PDE4D: variants seen among roughly 807,000 people sequenced by gnomAD.
The protein encoded by PDE4D is phosphodiesterase 4D, also known as 3',5'-cyclic-AMP phosphodiesterase 4D.
Under a neutral mutation model 87.4 loss-of-function variants are expected in PDE4D, and 24 were observed. That is an observed-to-expected ratio of 0.27 (90% CI 0.20 to 0.39). The LOEUF is 0.39. Among genes scored for constraint, PDE4D ranks in the 10% least tolerant of loss-of-function variants. The probability of loss-of-function intolerance (pLI) is 1.00; values close to 1 mark genes in which losing one functional copy is unlikely to be tolerated. For missense variants in PDE4D, 714 were observed against 1,041.0 expected, an observed-to-expected ratio of 0.69 and a Z score of 4.32; for synonymous variants, 384 against 383.2, an observed-to-expected ratio of 1.00 and a Z score of -0.02.
intron 1 of PDE4D, among the ~76,000 whole-genome samples, chr5:59,841,972 G>C (rs1350630772): frequency 6.6e-6 from 1 of 152,024 alleles, no homozygotes; most frequent in Non-Finnish European, 1.5e-5. Flanking sequence ...GTAGGAGCCA[G>C]GTAAGAAAAG....
At chr5:60,430,221 C>T in intron 1 of PDE4D, 1 of 520,166 alleles carries the variant, frequency 1.9e-6, no homozygotes, top group Admixed American at 1.9e-5. Context: ...GGGTCACCAT[C>T]TCGTTGATGG....
intron 3 of PDE4D, among the ~76,000 whole-genome samples, chr5:59,899,469 A>G (rs1752003234): frequency 6.6e-6 from 1 of 150,748 alleles, no homozygotes; most frequent in African/African-American, 2.4e-5. Flanking sequence ...ATACATATGC[A>G]TGCTTAAGTG....
intron 1 of PDE4D, among the ~76,000 whole-genome samples, chr5:59,240,542 C>T (rs970756442): frequency 5.9e-5 from 9 of 152,122 alleles, no homozygotes; most frequent in Admixed American, 3.3e-4. Context: ...AAGCTCAGCT[C>T]AAGACCTGCA....
chr5:59,196,619 C>A (rs1745508256), intron 2 of PDE4D, among the ~76,000 whole-genome samples: 1 of 152,166 alleles, frequency 6.6e-6, no homozygotes, highest in South Asian at 2.1e-4. Flanking sequence ...GAGCTAAACA[C>A]TTCAGCATTT....
At chr5:59,938,535 A>AT (rs1756854270) in intron 3 of PDE4D, among the ~76,000 whole-genome samples, 1 of 152,176 alleles carries the variant, frequency 6.6e-6, no homozygotes, top group East Asian at 1.9e-4. Context: ...ATATTTCTAC[A>AT]TTATAGGCCA....
chr5:59,225,775 G>C (rs1753642341), intron 1 of PDE4D, among the ~76,000 whole-genome samples: 1 of 130,014 alleles, frequency 7.7e-6, no homozygotes, highest in African/African-American at 3.4e-5. Flanking sequence ...ACAATACATA[G>C]GAGCTCCTAC....
At chr5:60,321,604 C>G (rs568933220) in intron 1 of PDE4D, among the ~76,000 whole-genome samples, 1 of 152,236 alleles carries the variant, frequency 6.6e-6, no homozygotes, top group African/African-American at 2.4e-5. Flanking sequence ...ATATACTAAA[C>G]AGACAACCTG....
At chr5:60,299,156 A>G (rs1322461550) in intron 1 of PDE4D, among the ~76,000 whole-genome samples, 1 of 152,236 alleles carries the variant, frequency 6.6e-6, no homozygotes. Context: ...TTTAGGTTCA[A>G]AATAGCTTCT....
intron 1 of PDE4D, among the ~76,000 whole-genome samples, chr5:60,190,544 A>C (rs1185883000): frequency 1.3e-5 from 2 of 152,224 alleles, no homozygotes; most frequent in East Asian, 3.8e-4. Flanking sequence ...TAGAGGCTAT[A>C]GAATCTGAGA....
intron 5 of PDE4D, among the ~76,000 whole-genome samples, chr5:59,075,910 G>C (rs1251378937): frequency 6.6e-6 from 1 of 151,928 alleles, no homozygotes; most frequent in African/African-American, 2.4e-5. Flanking sequence ...TTCTGTAAAT[G>C]AGGTTATTTA....
intron 6 of PDE4D, among the ~76,000 whole-genome samples, chr5:59,008,599 A>G (rs567813934): frequency 6.6e-6 from 1 of 152,190 alleles, no homozygotes; most frequent in East Asian, 1.9e-4. Flanking sequence ...GAAATGAATC[A>G]TAGAACTAAA....
At position 59,262,078 on chromosome 5, in the gene PDE4D, TA is replaced by T. The variant is rs533862736; in HGVS notation, c.456-46111del. 4.0e-4 allele frequency among the ~76,000 whole-genome samples: 61 copies of T among 151,964 alleles called. No homozygotes were observed. In the East Asian group the frequency reaches 0.011, roughly 28 times the overall value. On this transcript the variant is annotated intron_variant, in intron 1 of 14. Transcript: ENST00000340635. Reference sequence around the variant, plus strand: ...TAAATGCACACTCCTACCAGGAAAGTAAAAACTATTCCAAGGATATAGTAGA... The same window carrying T: ...TAAATGCACACTCCTACCAGGAAAGTAAAACTATTCCAAGGATATAGTAGA...
chr5:59,511,865 A>G (rs1301270730), intron 1 of PDE4D, among the ~76,000 whole-genome samples: 1 of 152,158 alleles, frequency 6.6e-6, no homozygotes, highest in Non-Finnish European at 1.5e-5. Context: ...ACTTTCATAC[A>G]TGATTAGCAA....
intron 1 of PDE4D, among the ~76,000 whole-genome samples, chr5:60,264,994 T>A (rs1429595743): frequency 6.6e-6 from 1 of 152,188 alleles, no homozygotes; most frequent in African/African-American, 2.4e-5. Context: ...TCCTTCTCTT[T>A]GTAGTGTATT....
intron 1 of PDE4D, among the ~76,000 whole-genome samples, chr5:59,377,000 C>T (rs949278098): frequency 6.6e-6 from 1 of 152,132 alleles, no homozygotes; most frequent in Non-Finnish European, 1.5e-5. Flanking sequence ...GATTGGACCC[C>T]TTCTTTATAC....
Position 59,961,892 on chromosome 5 carries a change from G to A in PDE4D, c.272+26596C>T, listed in dbSNP as rs78972143. Among the ~76,000 whole-genome samples the A allele has an allele frequency of 1.4e-3, 211 of 152,254 alleles. 9 individuals carry two copies. The East Asian group carries it at 0.04, about 29-fold the overall frequency. On this transcript the variant is annotated intron_variant, in intron 3 of 16. Transcript: ENST00000502484. The stretch of plus-strand genomic sequence containing the variant: ...TCTGGGGCGGTGCCCTGGCAAGTGT[G>A]TTTATTTAGCCAGATGCTTTGGCAA...
chr5:59,371,295 T>C (rs1783894973), intron 1 of PDE4D, among the ~76,000 whole-genome samples: 1 of 152,202 alleles, frequency 6.6e-6, no homozygotes. Context: ...CAAGTTTCTC[T>C]GAACAAGGGA....
intron 1 of PDE4D, among the ~76,000 whole-genome samples, chr5:59,355,512 T>A (rs944944217): frequency 2.6e-5 from 4 of 152,178 alleles, no homozygotes; most frequent in African/African-American, 9.6e-5. Context: ...CAATTTAGCA[T>A]ACAATAAGCA....
intron 1 of PDE4D, among the ~76,000 whole-genome samples, chr5:59,634,267 A>T (rs1831961366): frequency 6.6e-6 from 1 of 152,222 alleles, no homozygotes; most frequent in African/African-American, 2.4e-5. Context: ...AGAGACTTAG[A>T]CTTCCACACA....
Sources: gnomAD v4.1 joint callset for allele counts (sites outside exome capture counted in the v4.1 genomes callset) on GRCh38, gnomAD v4.1.1 for gene constraint, MANE v1.5 for transcripts, NCBI Gene and HGNC (gene_info 2026-07-23, HGNC 2026-07-21) for gene names.